PIKFYVE: variants seen among roughly 807,000 people sequenced by gnomAD.
PIKFYVE encodes the protein 1-phosphatidylinositol 3-phosphate 5-kinase.
PIKFYVE carries 122 observed loss-of-function variants against 257.9 expected under a neutral mutation model. The observed-to-expected ratio is 0.47, with a 90% confidence interval of 0.41 to 0.55. The LOEUF is 0.55. Ranked by LOEUF, PIKFYVE falls within the 20% of genes least tolerant of loss-of-function variation. The pLI, the probability that PIKFYVE is intolerant of heterozygous loss-of-function variation, is 0.00. For synonymous variants in PIKFYVE, 892 were observed against 868.9 expected (o/e 1.03, Z -0.47); for missense variants, 2,160 against 2,536.6 (o/e 0.85, Z 3.19).
chr2:208,288,750 A>G lies in PIKFYVE; in HGVS notation c.843A>G (p.Ser281=), dbSNP rs755303746. 6.2e-7 allele frequency: 1 copy of G among 1,614,038 alleles called. No homozygotes were observed. The highest frequency in any genetic ancestry group is 1.1e-5 in the South Asian group (1 of 91,080). The change falls in exon 7 of 42, where the codon TCA becomes TCG. Residue 281 remains serine, a synonymous_variant. Transcript: ENST00000264380. ...AWQSLIHPDS[S]NTPLSTRLVS... ...ATAGTTTGATTCATCCAGATTCCTC[A>G]AATACTCCTCTTTCAACAAGACTTG...
intron 5 of PIKFYVE, among the ~76,000 whole-genome samples, chr2:208,284,422 G>C (rs538756916): frequency 1.3e-5 from 2 of 152,024 alleles, no homozygotes; most frequent in East Asian, 3.9e-4. Flanking sequence ...CGCCATGCCT[G>C]GCTAATTTTT....
At chr2:208,312,773 G>GAATAGAAAAGT (rs111622890) in intron 13 of PIKFYVE, among the ~76,000 whole-genome samples, 141,571 of 152,156 alleles carry the variant, frequency 0.93, 66,387 homozygotes, top group Non-Finnish European at 0.98. Flanking sequence ...CACAAAAGGA[G>GAATAGAAAAGT]ATTAGCCTTC....
chr2:208,352,488 C>A (rs1402784222), intron 38 of PIKFYVE, among the ~76,000 whole-genome samples, 166 bp from the exon 39 acceptor site: 1 of 152,130 alleles, frequency 6.6e-6, no homozygotes, highest in African/African-American at 2.4e-5. Context: ...ATTGGCATTG[C>A]TGCTGTACTC....
intron 14 of PIKFYVE, 105 bp downstream of exon 14, chr2:208,314,528 T>A: frequency 7.7e-7 from 1 of 1,296,806 alleles, no homozygotes; most frequent in East Asian, 2.6e-5. Context: ...TTTTTCTTTT[T>A]CCTTAGAAAG....
intron 8 of PIKFYVE, 78 bp from the exon 9 acceptor site, chr2:208,300,859 A>G: frequency 6.3e-7 from 1 of 1,579,436 alleles, no homozygotes; most frequent in Non-Finnish European, 8.7e-7. Context: ...TTATGAGTCT[A>G]AAAATCACAG....
chr2:208,300,984 CA>C lies in PIKFYVE; in HGVS notation c.1099del (p.Ser367ValfsTer12). ...TGTGGAAAAAAATCTGCCATCACAG[CA>C]GTGGAATGGAGTTTCAGGATCACCG... is the stretch of plus-strand genomic sequence containing the variant. ...DLWKKICHHSSGMEFQDHRYW... is the reference protein window; with the variant it reads ...DLWKKICHHSXGMEFQDHRYW... On this transcript the variant is annotated frameshift_variant, in exon 9 of 42. Transcript: ENST00000264380. LOFTEE classifies it high-confidence loss of function. 1 of 1,614,120 alleles carries C rather than the reference CA, an allele frequency of 6.2e-7. No individual in the cohort carries two copies. The highest frequency in any genetic ancestry group is 1.1e-5 in the South Asian group (1 of 91,082).
At chr2:208,305,845 A>G (rs779353099) in intron 12 of PIKFYVE, among the ~76,000 whole-genome samples, 2 of 152,224 alleles carry the variant, frequency 1.3e-5, no homozygotes, top group African/African-American at 4.8e-5. Flanking sequence ...TGTTGTAATA[A>G]CTGAAAAATC....
At chr2:208,287,991 TTTAA>T (rs760263070) in intron 6 of PIKFYVE, among the ~76,000 whole-genome samples, 14 of 152,242 alleles carry the variant, frequency 9.2e-5, no homozygotes, top group South Asian at 2.1e-4. Context: ...TGATTCTATG[TTTAA>T]TTAAACAATA....
intron 5 of PIKFYVE, among the ~76,000 whole-genome samples, chr2:208,281,176 A>G (rs1005593529): frequency 6.6e-6 from 1 of 152,188 alleles, no homozygotes; most frequent in Non-Finnish European, 1.5e-5. Context: ...ACTACTTTTA[A>G]CATTTCAATC....
intron 28 of PIKFYVE, among the ~76,000 whole-genome samples, chr2:208,337,216 A>T (rs1217074678): frequency 6.6e-6 from 1 of 152,146 alleles, no homozygotes; most frequent in Non-Finnish European, 1.5e-5. Flanking sequence ...TACAGAGGAA[A>T]GTCAGTGGAT....
intron 6 of PIKFYVE, among the ~76,000 whole-genome samples, chr2:208,286,243 T>C (rs749957390): frequency 6.6e-6 from 1 of 152,178 alleles, no homozygotes; most frequent in African/African-American, 2.4e-5. Context: ...AGGCAACAAA[T>C]TGAGATTTTT....
chr2:208,290,778 G>A (rs1692213651), intron 7 of PIKFYVE, among the ~76,000 whole-genome samples: 1 of 152,070 alleles, frequency 6.6e-6, no homozygotes, highest in Non-Finnish European at 1.5e-5. Context: ...CATCACATTT[G>A]GTGTTGTCAG....
chr2:208,278,565 C>T (rs539708892), intron 5 of PIKFYVE, among the ~76,000 whole-genome samples: 62 of 152,198 alleles, frequency 4.1e-4, no homozygotes, highest in African/African-American at 1.4e-3. Flanking sequence ...CTTCCTCCCT[C>T]CCTGCTCTAG....
At chr2:208,334,849 G>A (rs1285244718) in intron 24 of PIKFYVE, among the ~76,000 whole-genome samples, 1 of 152,138 alleles carries the variant, frequency 6.6e-6, no homozygotes, top group Non-Finnish European at 1.5e-5. Flanking sequence ...TTAAGCAAGA[G>A]TTTTTAACCG....
chr2:208,277,703 A>T lies in PIKFYVE; in HGVS notation c.608A>T (p.Tyr203Phe). 1 of 1,613,646 alleles carries T rather than the reference A, an allele frequency of 6.2e-7. No individual in the cohort carries two copies. Among genetic ancestry groups the T allele is most frequent in the Non-Finnish European group, 8.5e-7 (1 of 1,179,546 alleles). ...GAAATCCCTGGAAAATTTATGGGCT[A>T]TACAGGTAAATGCATTTTATTGCCA... ...NQEIPGKFMG[Y>F]TGDLRACTYC... The change falls in exon 5 of 42, where the codon TAT becomes TTT. Residue 203 changes from tyrosine to phenylalanine, a missense_variant. Tyr to Phe is a conservative substitution (Grantham distance 22). Around this residue, in one of 12 missense-constraint regions of PIKFYVE, gnomAD observed 187 missense variants for 185.6 expected, o/e 1.01. Transcript: ENST00000264380.
chr2:208,307,531 G>A (rs1694468811), intron 12 of PIKFYVE, among the ~76,000 whole-genome samples: 1 of 151,934 alleles, frequency 6.6e-6, no homozygotes, highest in African/African-American at 2.4e-5. Context: ...GAAGAGTTTC[G>A]AAGAGTAGGA....
chr2:208,303,246 C>T (rs1465322020), intron 10 of PIKFYVE, among the ~76,000 whole-genome samples: 1 of 148,612 alleles, frequency 6.7e-6, no homozygotes, highest in Non-Finnish European at 1.5e-5. Context: ...TATACACACA[C>T]ACACATATAT....
intron 7 of PIKFYVE, among the ~76,000 whole-genome samples, chr2:208,291,043 G>A (rs1692245516): frequency 6.6e-6 from 1 of 152,096 alleles, no homozygotes; most frequent in African/African-American, 2.4e-5. Context: ...TGTTGAAAAG[G>A]AGTAGTGAGA....
In PIKFYVE at chr2:208,351,507, A is replaced by T. The variant is rs73062582; in HGVS notation, c.5715+52A>T. 2.8e-3 allele frequency: 3,716 copies of T among 1,345,020 alleles called. 84 individuals are homozygous for T. In the African/African-American group the frequency reaches 0.045, roughly 16 times the overall value. The allele number at this position is 1,345,020 out of a possible 1,614,324, so 83.3% of individuals were successfully genotyped here. On this transcript the variant is annotated intron_variant, in intron 38 of 41. Transcript: ENST00000264380. ...ATCAAAGTTTGGTGGCTTTTTTCAC[A>T]TCCTGAATCTTTCTGTTAGTCTATT...
Sources: allele counts gnomAD v4.1 joint callset (sites outside exome capture counted in the v4.1 genomes callset), GRCh38; gene constraint gnomAD v4.1.1; regional missense constraint gnomAD v4.1.1; transcripts MANE v1.5; gene names NCBI Gene and HGNC (gene_info 2026-07-23, HGNC 2026-07-21).